Variants in PAX2 observed in about 807,000 individuals in gnomAD.
The protein encoded by PAX2 is paired box protein Pax-2.
In PAX2, 9 loss-of-function variants were observed where a neutral mutation model predicts 41.7. The observed-to-expected ratio is 0.22, with a 90% CI of 0.13 to 0.38. The LOEUF is 0.38. PAX2 is among the 10% of genes least tolerant of loss of function. The probability of loss-of-function intolerance (pLI) is 1.00; values close to 1 mark genes in which losing one functional copy is unlikely to be tolerated. For synonymous variants in PAX2, 221 were observed against 212.7 expected (o/e 1.04, Z -0.34); for missense variants, 418 against 531.6 (o/e 0.79, Z 2.10).
rs1173013493 is a variant in PAX2, at chr10:100,829,012, C to T, written c.*1393C>T. ...TGTCTGTGCTGTGAGAGTCGCCGCT[C>T]GCTGGGGGGGAAGGGGGGGACACAG... On this transcript the variant is annotated 3_prime_UTR_variant, in exon 10 of 10. Transcript: ENST00000355243. 1.8e-5 allele frequency: 4 copies of T among 216,316 alleles called. No homozygotes were observed. The East Asian group carries it at 2.0e-4, about 11-fold the overall frequency. 13.4% of individuals were successfully genotyped at this position (216,316 alleles called of 1,614,324 possible). A position where few individuals can be genotyped will look rare whatever the true frequency, so the allele number is the denominator to read the frequency against.
At position 100,827,132 on chromosome 10, in the gene PAX2, G is replaced by A. The variant is rs200426108; in HGVS notation, c.1108+37G>A. ...ACCTGGCTGGCCGGCGGCTCAGCGCGGCCGCGCGGCTTCTGGGCACGGTCC... is the reference window on the plus strand; with the variant it reads ...ACCTGGCTGGCCGGCGGCTCAGCGCAGCCGCGCGGCTTCTGGGCACGGTCC... On this transcript the variant is annotated intron_variant, in intron 9 of 9. Coordinates refer to ENST00000355243, the MANE Select transcript of PAX2 (RefSeq NM_000278.5). This position sits in a 1 kb window ranked among gnomAD's most constrained non-coding sequence, Gnocchi z 8.5. The A allele has an allele frequency of 5.2e-4, 804 of 1,536,564 alleles. 9 individuals are homozygous for A. In the East Asian group the frequency reaches 0.013, roughly 26 times the overall value.
chr10:100,772,150 C>T (rs895580587), intron 3 of PAX2, among the ~76,000 whole-genome samples: 8 of 152,060 alleles, frequency 5.3e-5, no homozygotes, highest in African/African-American at 1.7e-4. Flanking sequence ...GACAGAGTCT[C>T]ACTCTGCAGC....
chr10:100,807,411 G>A (rs1446959642), intron 6 of PAX2, among the ~76,000 whole-genome samples: 2 of 148,642 alleles, frequency 1.3e-5, no homozygotes, highest in Non-Finnish European at 3.0e-5. Flanking sequence ...CACAGCCCAC[G>A]GTACTGTGCT....
Position 100,828,279 on chromosome 10 carries a change from C to A in PAX2, c.*660C>A, listed in dbSNP as rs921308192. On this transcript the variant is annotated 3_prime_UTR_variant, in exon 10 of 10. Transcript: ENST00000355243. The surrounding 1 kb of genome is among the most constrained non-coding windows in gnomAD (Gnocchi z 6.5). ...CGGCTCTAGGAACGGGCTTTGGGGG[C>A]GTCAGGTCTTTCCAAGGTTGGGACC... 20 of 232,536 alleles carry A rather than the reference C, an allele frequency of 8.6e-5. No individual in the cohort carries two copies. The highest frequency in any genetic ancestry group is 1.7e-5 in the Non-Finnish European group (2 of 117,800). The allele number at this position is 232,536 out of a possible 1,614,324, so 14.4% of individuals were successfully genotyped here. A position where few individuals can be genotyped will look rare whatever the true frequency, so the allele number is the denominator to read the frequency against.
chr10:100,763,270 C>T (rs1247186361), intron 3 of PAX2, among the ~76,000 whole-genome samples: 1 of 152,198 alleles, frequency 6.6e-6, no homozygotes, highest in Non-Finnish European at 1.5e-5. Flanking sequence ...AAACTTCAGT[C>T]AATCATCTAT....
intron 3 of PAX2, among the ~76,000 whole-genome samples, chr10:100,771,625 T>G (rs1220952873): frequency 6.6e-6 from 1 of 152,168 alleles, no homozygotes; most frequent in Non-Finnish European, 1.5e-5. Flanking sequence ...AAACATTTCC[T>G]GGGTGATCTA....
chr10:100,760,961 C>T (rs1405637137), intron 3 of PAX2, among the ~76,000 whole-genome samples: 3 of 152,094 alleles, frequency 2.0e-5, no homozygotes, highest in African/African-American at 7.2e-5. Context: ...TCTGGGAGAG[C>T]CAGAGAGAAG....
At chr10:100,738,571 C>A (rs891550423) in intron 1 of PAX2, among the ~76,000 whole-genome samples, 1 of 152,210 alleles carries the variant, frequency 6.6e-6, no homozygotes, top group South Asian at 2.1e-4. Flanking sequence ...ATCAGAAATT[C>A]TCCTTAATTG....
chr10:100,812,358 G>C (rs551643649), intron 7 of PAX2, among the ~76,000 whole-genome samples: 49 of 152,330 alleles, frequency 3.2e-4, no homozygotes, highest in African/African-American at 1.1e-3. Flanking sequence ...ACGGCTCTAG[G>C]CTGCTGGTCT....
At chr10:100,744,793 C>T (rs1015020331), upstream of PAX2, among the ~76,000 whole-genome samples, 2 of 152,208 alleles carry the variant, frequency 1.3e-5, no homozygotes, top group Non-Finnish European at 2.9e-5. Flanking sequence ...GGTGGGTACT[C>T]GCCGGAGGTC....
At chr10:100,760,182 C>T (rs994408856) in intron 3 of PAX2, among the ~76,000 whole-genome samples, 1 of 152,136 alleles carries the variant, frequency 6.6e-6, no homozygotes, top group African/African-American at 2.4e-5. Context: ...CTTCTATGCC[C>T]TGGGAAGCTG....
At chr10:100,814,167 T>C (rs923888830) in intron 7 of PAX2, among the ~76,000 whole-genome samples, 3 of 151,270 alleles carry the variant, frequency 2.0e-5, no homozygotes, top group Non-Finnish European at 4.4e-5. Context: ...GCTAACATGG[T>C]GAAACCCCGT....
At chr10:100,793,544 G>C (rs1284601255) in intron 5 of PAX2, among the ~76,000 whole-genome samples, 1 of 152,208 alleles carries the variant, frequency 6.6e-6, no homozygotes, top group Non-Finnish European at 1.5e-5. Flanking sequence ...GGTAACCTGG[G>C]GGCTCTTTTT....
At position 100,748,236 on chromosome 10, in the gene PAX2, G is replaced by A. The variant is rs944678001; in HGVS notation, c.44-1510G>A. On this transcript the variant is annotated intron_variant, in intron 1 of 9. Coordinates refer to ENST00000355243, the MANE Select transcript of PAX2 (RefSeq NM_000278.5). The surrounding 1 kb of genome is among the most constrained non-coding windows in gnomAD (Gnocchi z 5.0). ...CCCGCAGCTGCCGCCTTTTCATACCGGTAACGCGAGTTCTCCCGGGGCCTA... is the reference window on the plus strand; with the variant it reads ...CCCGCAGCTGCCGCCTTTTCATACCAGTAACGCGAGTTCTCCCGGGGCCTA... The A allele has an allele frequency of 8.1e-6, 8 of 985,052 alleles. No homozygotes were observed. Among genetic ancestry groups the A allele is most frequent in the Non-Finnish European group, 9.6e-6 (8 of 829,898 alleles). The allele number at this position is 985,052 out of a possible 1,614,324, so 61.0% of individuals were successfully genotyped here. A position where few individuals can be genotyped will look rare whatever the true frequency, so the allele number is the denominator to read the frequency against.
intron 5 of PAX2, among the ~76,000 whole-genome samples, chr10:100,797,881 G>C (rs1338318243): frequency 2.0e-5 from 3 of 152,136 alleles, no homozygotes. Context: ...TACAGTTAGT[G>C]TCCCTAGAGG....
At chr10:100,741,506 C>G (rs1229183080), upstream of PAX2, among the ~76,000 whole-genome samples, 2 of 150,674 alleles carry the variant, frequency 1.3e-5, no homozygotes, top group Non-Finnish European at 3.0e-5. Context: ...GGGGAAAGGC[C>G]GGGCAGGAGC....
chr10:100,761,454 C>T (rs1845842679), intron 3 of PAX2, among the ~76,000 whole-genome samples: 1 of 152,132 alleles, frequency 6.6e-6, no homozygotes, highest in African/African-American at 2.4e-5. Flanking sequence ...TGCAGACTCC[C>T]TTAGGAGATG....
At chr10:100,814,324 C>T (rs1445027514) in intron 7 of PAX2, among the ~76,000 whole-genome samples, 3 of 120,918 alleles carry the variant, frequency 2.5e-5, no homozygotes, top group African/African-American at 3.3e-5. Flanking sequence ...TGCACTCTAG[C>T]CTGGGCGACA....
chr10:100,815,103 C>T (rs777033143), intron 7 of PAX2, among the ~76,000 whole-genome samples: 32 of 152,186 alleles, frequency 2.1e-4, no homozygotes, highest in Non-Finnish European at 2.9e-5. Context: ...AAACCTCCTC[C>T]TCCTACTCAG....
Sources: allele counts gnomAD v4.1 joint callset (sites outside exome capture counted in the v4.1 genomes callset), GRCh38; gene constraint gnomAD v4.1.1; non-coding constraint Gnocchi (gnomAD v3.1); transcripts MANE v1.5; gene names NCBI Gene and HGNC (gene_info 2026-07-23, HGNC 2026-07-21).